Variants in DOCK6 observed in about 807,000 individuals in gnomAD.
DOCK6 encodes dedicator of cytokinesis 6, also known as dedicator of cytokinesis protein 6.
In DOCK6, 167 loss-of-function variants were observed where a neutral mutation model predicts 230.3. That is an observed-to-expected ratio of 0.73 (90% CI 0.64 to 0.82). DOCK6 has a LOEUF of 0.82. Among genes scored for constraint, DOCK6 ranks in the 40% least tolerant of loss-of-function variants. The pLI, the probability that DOCK6 is intolerant of heterozygous loss-of-function variation, is 0.00. For synonymous variants in DOCK6, 1,148 were observed against 1,185.0 expected (o/e 0.97, Z 0.64); for missense variants, 2,598 against 2,825.8 (o/e 0.92, Z 1.83).
chr19:11,233,371 G>A lies in DOCK6; in HGVS notation c.2555-5C>T, dbSNP rs1247988998. ...GCACTGTCACTGGAGGGGCCCCTGAGGATGGAGTGAATAGGGTCAACCACC... is the reference window on the plus strand; with the variant it reads ...GCACTGTCACTGGAGGGGCCCCTGAAGATGGAGTGAATAGGGTCAACCACC... On this transcript the variant is annotated splice_region_variant and splice_polypyrimidine_tract_variant and intron_variant, in intron 21 of 47. Coordinates refer to ENST00000294618, the MANE Select transcript of DOCK6 (RefSeq NM_020812.4). 6.2e-7 allele frequency: 1 copy of A among 1,612,282 alleles called. No homozygotes were observed. Among genetic ancestry groups the A allele is most frequent in the Non-Finnish European group, 8.5e-7 (1 of 1,178,694 alleles).
At chr19:11,224,128 T>A (rs2079624406) in intron 24 of DOCK6, among the ~76,000 whole-genome samples, 1 of 152,042 alleles carries the variant, frequency 6.6e-6, no homozygotes, top group Non-Finnish European at 1.5e-5. Context: ...AAGACAATAT[T>A]AAATTGGTGC....
At chr19:11,231,894 G>T (rs147045513) in intron 22 of DOCK6, among the ~76,000 whole-genome samples, 2 of 152,276 alleles carry the variant, frequency 1.3e-5, no homozygotes, top group East Asian at 3.9e-4. Context: ...GGCCATGCAG[G>T]GCAGTGAGGT....
At chr19:11,207,076 G>T (rs1039265103) in intron 39 of DOCK6, among the ~76,000 whole-genome samples, 1 of 152,140 alleles carries the variant, frequency 6.6e-6, no homozygotes, top group East Asian at 1.9e-4. Flanking sequence ...CTCGTGATCC[G>T]CCTGCCTTGG....
chr19:11,214,597 C>G lies in DOCK6; in HGVS notation c.4159G>C (p.Glu1387Gln). Residue 1387 changes from glutamate to glutamine, a missense_variant, in exon 33 of 48, where the codon GAG becomes CAG. Transcript: ENST00000294618. Reference sequence around the variant, plus strand: ...GTGTCCAGAACCACTAGGCTTGCCTCGGTTGCCAGGTTCCCTTCCACCAAG... The same window carrying G: ...GTGTCCAGAACCACTAGGCTTGCCTGGGTTGCCAGGTTCCCTTCCACCAAG... ...EALVEGNLATEASLVVLDTLE... is the reference protein window; with the variant it reads ...EALVEGNLATQASLVVLDTLE... 1 of 1,613,844 alleles carries G rather than the reference C, an allele frequency of 6.2e-7. No homozygotes were observed. Among genetic ancestry groups the G allele is most frequent in the Admixed American group, 1.7e-5 (1 of 59,998 alleles).
At chr19:11,238,398 A>T in intron 14 of DOCK6, 94 bp from the exon 15 acceptor site, 2 of 1,170,498 alleles carry the variant, frequency 1.7e-6, no homozygotes, top group Non-Finnish European at 2.4e-6. Flanking sequence ...CTGGGAGCAC[A>T]GACAGTCCAG....
intron 47 of DOCK6, among the ~76,000 whole-genome samples, chr19:11,199,811 C>T (rs2079138620): frequency 6.6e-6 from 1 of 152,204 alleles, no homozygotes; most frequent in Admixed American, 6.5e-5. Context: ...CCTGCCCTGC[C>T]TTTGTACATC....
intron 15 of DOCK6, 25 bp downstream of exon 15, chr19:11,238,162 C>A (rs376261750): frequency 1.5e-5 from 24 of 1,613,772 alleles, no homozygotes; most frequent in Non-Finnish European, 1.8e-5. Context: ...GCCCTACCCC[C>A]CTTCCCTGGG....
rs370509820 is a variant in DOCK6, at chr19:11,250,870, C to A, written c.720+4G>T. ...TTGGCTGATATCTGGGAAGGGGCAC[C>A]CACCTCGTCAGGTGCCGGGTAGAGG... is the stretch of plus-strand genomic sequence containing the variant. On this transcript the variant is annotated splice_donor_region_variant and intron_variant, in intron 6 of 47. Transcript: ENST00000294618. 4 of 1,591,800 alleles carry A rather than the reference C, an allele frequency of 2.5e-6. No homozygotes were observed. In the African/African-American group the frequency reaches 5.4e-5, roughly 21 times the overall value.
intron 6 of DOCK6, among the ~76,000 whole-genome samples, chr19:11,250,177 ATT>A: frequency 6.6e-6 from 1 of 151,524 alleles, no homozygotes; most frequent in Non-Finnish European, 1.5e-5. Flanking sequence ...TGCCTGGTTA[ATT>A]TTTGTACTTT....
In DOCK6 at chr19:11,211,940, G is replaced by A. The variant is rs2079393434; in HGVS notation, c.4650+53C>T. On this transcript the variant is annotated intron_variant, in intron 36 of 47. Transcript: ENST00000294618. ...AGGAAGTGAAGGGAGCCAAGGTGGTGGGGTTGGGAGTTATATGAAGGGGAG... is the reference window on the plus strand; with the variant it reads ...AGGAAGTGAAGGGAGCCAAGGTGGTAGGGTTGGGAGTTATATGAAGGGGAG... 10 of 1,581,580 alleles carry A rather than the reference G, an allele frequency of 6.3e-6. No individual in the cohort carries two copies. The South Asian group carries it at 8.0e-5, about 13-fold the overall frequency.
intron 14 of DOCK6, chr19:11,241,329 CAA>C: frequency 1.5e-6 from 1 of 664,278 alleles, no homozygotes; most frequent in Non-Finnish European, 2.7e-6. Context: ...AAACTGAGGC[CAA>C]AGAGCATTGT....
At position 11,214,423 on chromosome 19, in the gene DOCK6, G is replaced by A. The variant is rs1334505774; in HGVS notation, c.4204-14C>T. ...AAGCATCACCGTCTGGAGGGAAGGG[G>A]GTCAGAAATCCAGGTGTTAGAGCCT... On this transcript the variant is annotated splice_polypyrimidine_tract_variant and intron_variant, in intron 33 of 47. Transcript: ENST00000294618. The A allele has an allele frequency of 1.9e-6, 3 of 1,613,588 alleles. No individual in the cohort carries two copies. The Admixed American group carries it at 5.0e-5, about 27-fold the overall frequency.
intron 2 of DOCK6, among the ~76,000 whole-genome samples, chr19:11,253,305 C>G (rs1292814404): frequency 6.6e-6 from 1 of 152,150 alleles, no homozygotes; most frequent in East Asian, 1.9e-4. Flanking sequence ...GGCCCCACCC[C>G]TCTCAGGCGA....
chr19:11,237,593 T>A (rs758908296), intron 17 of DOCK6, 36 bp from the exon 18 acceptor site: 12 of 1,289,374 alleles, frequency 9.3e-6, no homozygotes, highest in South Asian at 1.2e-5. Flanking sequence ...TGCGGCCAGG[T>A]TGGGGGACGA....
At chr19:11,257,564 A>C (rs1300741278) in intron 1 of DOCK6, among the ~76,000 whole-genome samples, 2 of 147,650 alleles carry the variant, frequency 1.4e-5, no homozygotes, top group East Asian at 4.2e-4. Context: ...CGAGGCGGGC[A>C]GATCATCTGA....
At chr19:11,209,393 C>T (rs2079323351) in intron 37 of DOCK6, among the ~76,000 whole-genome samples, 1 of 151,954 alleles carries the variant, frequency 6.6e-6, no homozygotes, top group African/African-American at 2.4e-5. Context: ...TTCCTCCTCA[C>T]TTGTCCTGCT....
intron 22 of DOCK6, chr19:11,229,313 T>C: frequency 2.5e-6 from 3 of 1,197,512 alleles, no homozygotes; most frequent in Non-Finnish European, 3.1e-6. Context: ...GCACAGTGGG[T>C]CTCAGCTGGG....
intron 37 of DOCK6, 111 bp from the exon 38 acceptor site, chr19:11,209,214 C>T (rs1235115312): frequency 3.2e-6 from 4 of 1,260,090 alleles, no homozygotes; most frequent in East Asian, 5.1e-5. Flanking sequence ...CCCCAAGGAC[C>T]AGCCAATCTC....
chr19:11,219,099 G>A (rs1375899664), intron 28 of DOCK6, among the ~76,000 whole-genome samples: 1 of 143,396 alleles, frequency 7.0e-6, no homozygotes, highest in African/African-American at 2.6e-5. Flanking sequence ...GGCTGGTCTT[G>A]AACTCCTGAC....
Sources: gnomAD v4.1 joint callset for allele counts (sites outside exome capture counted in the v4.1 genomes callset) on GRCh38, gnomAD v4.1.1 for gene constraint, MANE v1.5 for transcripts, NCBI Gene and HGNC (gene_info 2026-07-23, HGNC 2026-07-21) for gene names.